The following ROBO1 variants were observed in gnomAD, a reference collection of about 807,000 sequenced individuals.
ROBO1 encodes the protein roundabout guidance receptor 1.
Under a neutral mutation model 195.9 loss-of-function variants are expected in ROBO1, and 149 were observed. That is an observed-to-expected ratio of 0.76 (90% CI 0.67 to 0.87). ROBO1 has a LOEUF of 0.87. ROBO1 is among the 40% of genes least tolerant of loss of function. ROBO1 has a pLI of 0.00. For missense variants in ROBO1, 1,933 were observed against 2,068.3 expected (o/e 0.93, Z 1.27); for synonymous variants, 816 against 733.2 (o/e 1.11, Z -1.82).
At chr3:79,425,368 T>C (rs2038404015) in intron 2 of ROBO1, among the ~76,000 whole-genome samples, 1 of 152,072 alleles carries the variant, frequency 6.6e-6, no homozygotes, top group African/African-American at 2.4e-5. Context: ...CAGGTGACAA[T>C]AAGAACAAAA....
intron 2 of ROBO1, among the ~76,000 whole-genome samples, chr3:79,369,237 T>C (rs2036097419): frequency 6.6e-6 from 1 of 152,218 alleles, no homozygotes; most frequent in South Asian, 2.1e-4. Flanking sequence ...TTTTTCCTTC[T>C]TCCTGCTTTA....
intron 10 of ROBO1, among the ~76,000 whole-genome samples, chr3:78,684,899 T>G (rs1272313766): frequency 6.6e-6 from 1 of 152,126 alleles, no homozygotes; most frequent in Non-Finnish European, 1.5e-5. Flanking sequence ...TTTTCTTCCC[T>G]GAGAGACAGG....
intron 3 of ROBO1, among the ~76,000 whole-genome samples, chr3:79,097,546 C>T (rs1321136405): frequency 1.3e-5 from 2 of 151,702 alleles, no homozygotes; most frequent in African/African-American, 4.8e-5. Context: ...TTTGCACTTG[C>T]ATTTTTTTGT....
At chr3:78,813,868 G>A (rs1360862577) in intron 4 of ROBO1, among the ~76,000 whole-genome samples, 1 of 151,990 alleles carries the variant, frequency 6.6e-6, no homozygotes, top group Non-Finnish European at 1.5e-5. Context: ...AGGCTTAGAG[G>A]TAGCCTTAAC....
chr3:79,241,086 T>A (rs1205258467), intron 2 of ROBO1, among the ~76,000 whole-genome samples: 2 of 152,166 alleles, frequency 1.3e-5, no homozygotes. Flanking sequence ...TAAAATTGAG[T>A]TCTTCTAGCT....
chr3:78,939,209 T>C (rs1022573888), intron 3 of ROBO1, among the ~76,000 whole-genome samples: 1 of 152,118 alleles, frequency 6.6e-6, no homozygotes, highest in South Asian at 2.1e-4. Context: ...ACCCATTACA[T>C]TGTGTGTTTA....
intron 1 of ROBO1, among the ~76,000 whole-genome samples, chr3:79,596,860 T>A (rs1162821055): frequency 6.6e-6 from 1 of 152,024 alleles, no homozygotes; most frequent in Non-Finnish European, 1.5e-5. Flanking sequence ...TTGTATAACT[T>A]GGAGATTAAA....
chr3:79,223,384 G>T (rs2082174757), intron 2 of ROBO1, among the ~76,000 whole-genome samples: 1 of 151,876 alleles, frequency 6.6e-6, no homozygotes, highest in Admixed American at 6.6e-5. Flanking sequence ...CATTGTTGAT[G>T]AACAACAGTA....
At chr3:79,591,135 G>A (rs1943987846) in intron 1 of ROBO1, among the ~76,000 whole-genome samples, 2 of 151,714 alleles carry the variant, frequency 1.3e-5, no homozygotes, top group South Asian at 4.1e-4. Flanking sequence ...TTTAACAATA[G>A]TTTTACTATT....
intron 3 of ROBO1, among the ~76,000 whole-genome samples, chr3:78,995,789 A>G (rs1295645048): frequency 6.6e-6 from 1 of 151,798 alleles, no homozygotes; most frequent in Non-Finnish European, 1.5e-5. Flanking sequence ...AGAAAAAAAG[A>G]AATTAAAAAG....
chr3:79,143,446 T>C (rs1326528012), intron 2 of ROBO1, among the ~76,000 whole-genome samples: 2 of 152,150 alleles, frequency 1.3e-5, no homozygotes, highest in South Asian at 2.1e-4. Flanking sequence ...ACTTACCCAA[T>C]GCAGGGAGTT....
chr3:78,824,502 G>A (rs2031389438), intron 4 of ROBO1, among the ~76,000 whole-genome samples: 2 of 151,984 alleles, frequency 1.3e-5, no homozygotes, highest in African/African-American at 2.4e-5. Flanking sequence ...ATGCTAAATG[G>A]CAAATATTGG....
At chr3:79,665,113 T>C (rs1946438498) in intron 1 of ROBO1, among the ~76,000 whole-genome samples, 1 of 151,916 alleles carries the variant, frequency 6.6e-6, no homozygotes, top group South Asian at 2.1e-4. Flanking sequence ...GCGGAAAATA[T>C]TTTGCATATG....
At chr3:79,145,075 A>G (rs1342047275) in intron 2 of ROBO1, among the ~76,000 whole-genome samples, 1 of 151,940 alleles carries the variant, frequency 6.6e-6, no homozygotes, top group Admixed American at 6.6e-5. Context: ...CTTTTATGTC[A>G]TTTGACTATA....
At chr3:78,961,151 AC>A (rs1040724758) in intron 3 of ROBO1, among the ~76,000 whole-genome samples, 42 of 152,292 alleles carry the variant, frequency 2.8e-4, no homozygotes, top group African/African-American at 9.9e-4. Context: ...TACTTCTGCA[AC>A]CTTTGAACTT....
At chr3:79,212,312 A>G (rs1405295186) in intron 2 of ROBO1, among the ~76,000 whole-genome samples, 1 of 152,178 alleles carries the variant, frequency 6.6e-6, no homozygotes, top group Non-Finnish European at 1.5e-5. Flanking sequence ...CTTATTCTCA[A>G]CAACTGATAA....
At chr3:79,203,885 A>C (rs1293995692) in intron 2 of ROBO1, among the ~76,000 whole-genome samples, 1 of 152,058 alleles carries the variant, frequency 6.6e-6, no homozygotes, top group Non-Finnish European at 1.5e-5. Context: ...TTCTATTCCC[A>C]TTCTGCATTC....
At chr3:79,684,258 A>C (rs532484116) in intron 1 of ROBO1, among the ~76,000 whole-genome samples, 2 of 152,220 alleles carry the variant, frequency 1.3e-5, no homozygotes, top group African/African-American at 4.8e-5. Flanking sequence ...CTTTTTGGAG[A>C]AATATCTATT....
At chr3:78,949,694 C>T (rs1443572742) in intron 3 of ROBO1, among the ~76,000 whole-genome samples, 2 of 151,974 alleles carry the variant, frequency 1.3e-5, no homozygotes, top group Non-Finnish European at 1.5e-5. Flanking sequence ...TTCTGCACAG[C>T]AAAGGAAACT....
Sources: gnomAD v4.1 joint callset for allele counts (sites outside exome capture counted in the v4.1 genomes callset) on GRCh38, gnomAD v4.1.1 for gene constraint, MANE v1.5 for transcripts, NCBI Gene and HGNC (gene_info 2026-07-23, HGNC 2026-07-21) for gene names.